The following RHOT1 variants were observed in gnomAD, a reference collection of about 807,000 sequenced individuals.
RHOT1 encodes the protein mitochondrial Rho GTPase 1.
RHOT1 carries 27 observed loss-of-function variants against 95.3 expected under a neutral mutation model. The observed-to-expected ratio is 0.28, with a 90% CI of 0.21 to 0.39. The LOEUF (loss-of-function observed/expected upper bound fraction) is 0.39. Ranked by LOEUF, RHOT1 falls within the 10% of genes least tolerant of loss-of-function variation. The pLI, the probability that RHOT1 is intolerant of heterozygous loss-of-function variation, is 1.00. For missense variants in RHOT1, 578 were observed against 786.7 expected, an observed-to-expected ratio of 0.73 and a Z score of 3.17; for synonymous variants, 227 against 263.5, an observed-to-expected ratio of 0.86 and a Z score of 1.34.
chr17:32,159,737 G>A (rs2142433226), intron 1 of RHOT1: 1 of 152,842 alleles, frequency 6.5e-6, no homozygotes, highest in Admixed American at 6.5e-5. Context: ...GGCGAGCATG[G>A]GAGGGAGGCT....
In RHOT1 at chr17:32,225,706, A is replaced by T. The variant is rs931388225; in HGVS notation, c.*973A>T. The stretch of plus-strand genomic sequence containing the variant: ...CATCAGCCTTTTCAAGTATTTAAAT[A>T]AATAACTGCTGTGTACTGTGATCTT... On this transcript the variant is annotated 3_prime_UTR_variant, in exon 20 of 20. Coordinates refer to ENST00000545287, the MANE Select transcript of RHOT1 (RefSeq NM_001033566.3). 2 of 152,226 alleles carry T rather than the reference A, an allele frequency of 1.3e-5. No homozygotes were observed. The highest frequency in any genetic ancestry group is 2.4e-5 in the African/African-American group (1 of 41,452). The allele number at this position is 152,226 out of a possible 1,614,324, so 9.4% of individuals were successfully genotyped here.
At chr17:32,203,269 CTTTTTTTTTTTTTT>C (rs940216011) in intron 15 of RHOT1, among the ~76,000 whole-genome samples, 1 of 72,330 alleles carries the variant, frequency 1.4e-5, no homozygotes, top group African/African-American at 6.1e-5. Flanking sequence ...TCTTCTTCTT[CTTTTTTTTTTTTTT>C]TTTTTTTTTT....
chr17:32,153,565 C>T (rs917056498), intron 1 of RHOT1, among the ~76,000 whole-genome samples: 6 of 152,090 alleles, frequency 3.9e-5, no homozygotes, highest in Middle Eastern at 3.2e-3. Flanking sequence ...GAAGCTGAGG[C>T]GAGAGGATCA....
rs147647090 is a variant in RHOT1 at position 32,195,914 on chromosome 17, G to A, written c.869+1807G>A. On this transcript the variant is annotated intron_variant, in intron 11 of 19. Coordinates refer to ENST00000545287, the MANE Select transcript of RHOT1 (RefSeq NM_001033566.3). Reference sequence around the variant, plus strand: ...GAATAGATGAATTCTATGGGAGGTTGCTTATTGCTTTCTTAAGTATGACAG... The same window carrying A: ...GAATAGATGAATTCTATGGGAGGTTACTTATTGCTTTCTTAAGTATGACAG... Among the ~76,000 whole-genome samples, 6 of 152,192 alleles carry A rather than the reference G, an allele frequency of 3.9e-5. No homozygotes were observed. In the East Asian group the frequency reaches 1.2e-3, roughly 29 times the overall value.
intron 1 of RHOT1, among the ~76,000 whole-genome samples, chr17:32,148,158 G>C (rs144738123): frequency 2.6e-5 from 4 of 152,156 alleles, no homozygotes; most frequent in African/African-American, 9.6e-5. Flanking sequence ...CCAGTTACTC[G>C]GGAGGCCGAG....
intron 1 of RHOT1, among the ~76,000 whole-genome samples, chr17:32,156,808 C>G (rs2033011950): frequency 6.6e-6 from 1 of 152,248 alleles, no homozygotes; most frequent in Admixed American, 6.5e-5. Context: ...TGGCCCAGGC[C>G]AGTGCTCATT....
chr17:32,174,381 A>G (rs936691134), intron 3 of RHOT1, among the ~76,000 whole-genome samples: 4 of 152,326 alleles, frequency 2.6e-5, no homozygotes, highest in Non-Finnish European at 4.4e-5. Flanking sequence ...ATTGAAAACT[A>G]TGTATGTGGC....
At chr17:32,204,063 C>A (rs1176614127) in intron 16 of RHOT1, 90 bp downstream of exon 16, 3 of 840,324 alleles carry the variant, frequency 3.6e-6, no homozygotes, top group Non-Finnish European at 5.7e-6. Flanking sequence ...AATTGAATGA[C>A]TCTCTGTAGA....
chr17:32,213,397 G>A (rs2038259608), intron 19 of RHOT1, among the ~76,000 whole-genome samples: 1 of 152,166 alleles, frequency 6.6e-6, no homozygotes, highest in East Asian at 1.9e-4. Flanking sequence ...AGGTTGGAGA[G>A]AGAGAGAGTG....
intron 1 of RHOT1, among the ~76,000 whole-genome samples, chr17:32,154,027 G>T (rs1296070649): frequency 1.3e-5 from 2 of 152,026 alleles, no homozygotes; most frequent in South Asian, 2.1e-4. Flanking sequence ...CAGGGGACAG[G>T]CGTGGTGGCT....
chr17:32,206,341 G>A (rs2037733633), intron 16 of RHOT1, among the ~76,000 whole-genome samples: 1 of 150,534 alleles, frequency 6.6e-6, no homozygotes, highest in Non-Finnish European at 1.5e-5. Flanking sequence ...CAGTAGCTGG[G>A]ACTACAGGCA....
chr17:32,190,686 A>T (rs28718335), intron 8 of RHOT1, among the ~76,000 whole-genome samples: 4,887 of 152,276 alleles, frequency 0.032, 261 homozygotes, highest in African/African-American at 0.11. Flanking sequence ...GACTAACAGG[A>T]TCACATTTAT....
rs1376545674 is a variant in RHOT1 at position 32,225,051 on chromosome 17, T to G, written c.*318T>G. ...TAGAAATGATGTTTCTAGACATTTC[T>G]AAGTGGTATTGTTAGTGCTCACTTG... On this transcript the variant is annotated 3_prime_UTR_variant, in exon 20 of 20. Transcript: ENST00000545287. The G allele has an allele frequency of 1.1e-5, 2 of 179,046 alleles. No homozygotes were observed. Among genetic ancestry groups the G allele is most frequent in the Non-Finnish European group, 2.4e-5 (2 of 82,928 alleles). 11.1% of individuals were successfully genotyped at this position (179,046 alleles called of 1,614,324 possible).
At chr17:32,188,605 C>T (rs1392707415) in intron 8 of RHOT1, among the ~76,000 whole-genome samples, 1 of 152,184 alleles carries the variant, frequency 6.6e-6, no homozygotes, top group African/African-American at 2.4e-5. Context: ...ACAACACTAA[C>T]TTCAAACCCC....
intron 14 of RHOT1, among the ~76,000 whole-genome samples, chr17:32,201,594 A>C (rs2037323214): frequency 6.6e-6 from 1 of 152,216 alleles, no homozygotes; most frequent in South Asian, 2.1e-4. Flanking sequence ...AAATTGACAG[A>C]GCAGGTACCC....
intron 11 of RHOT1, among the ~76,000 whole-genome samples, chr17:32,194,828 CTTTTTT>C (rs11357987): frequency 8.0e-6 from 1 of 125,308 alleles, no homozygotes; most frequent in African/African-American, 3.0e-5. Context: ...CTTTTTCTTT[CTTTTTT>C]TTTTTTTTTT....
chr17:32,152,044 A>G (rs928396989), intron 1 of RHOT1, among the ~76,000 whole-genome samples: 4 of 152,212 alleles, frequency 2.6e-5, no homozygotes, highest in Non-Finnish European at 5.9e-5. Flanking sequence ...TCTTTTCCAG[A>G]TAAGGCAGGA....
intron 18 of RHOT1, among the ~76,000 whole-genome samples, chr17:32,210,713 T>G (rs1160139352): frequency 6.6e-6 from 1 of 152,150 alleles, no homozygotes; most frequent in South Asian, 2.1e-4. Flanking sequence ...GAGGAGGGAA[T>G]CGTTATTTAA....
intron 6 of RHOT1, 116 bp from the exon 7 acceptor site, chr17:32,182,641 A>G: frequency 1.5e-6 from 1 of 653,534 alleles, no homozygotes; most frequent in Non-Finnish European, 2.6e-6. Flanking sequence ...AGAAAGGTTC[A>G]TGTTGTTGAG....
Sources: allele counts gnomAD v4.1 joint callset (sites outside exome capture counted in the v4.1 genomes callset), GRCh38; gene constraint gnomAD v4.1.1; transcripts MANE v1.5; gene names NCBI Gene and HGNC (gene_info 2026-07-23, HGNC 2026-07-21).